The following EPB41L4A variants were observed in gnomAD, a reference collection of about 807,000 sequenced individuals.
The protein encoded by EPB41L4A is erythrocyte membrane protein band 4.1 like 4A, also known as band 4.1-like protein 4A.
Under a neutral mutation model 108.6 loss-of-function variants are expected in EPB41L4A, and 100 were observed. That is an observed-to-expected ratio of 0.92 (90% CI 0.78 to 1.09). The LOEUF (loss-of-function observed/expected upper bound fraction) is 1.09, where lower values mean the gene tolerates loss of function less well. EPB41L4A is among the 50% of genes least tolerant of loss of function. The pLI, the probability that EPB41L4A is intolerant of heterozygous loss-of-function variation, is 0.00. For missense variants in EPB41L4A, 1,030 were observed against 842.7 expected, an observed-to-expected ratio of 1.22 and a Z score of -2.75; for synonymous variants, 319 against 289.0, an observed-to-expected ratio of 1.10 and a Z score of -1.05.
chr5:112,207,358 G>A (rs1762522940), intron 13 of EPB41L4A, among the ~76,000 whole-genome samples: 1 of 152,136 alleles, frequency 6.6e-6, no homozygotes, highest in Admixed American at 6.5e-5. Flanking sequence ...TATCATTCTG[G>A]ACATCAGCCT....
At chr5:112,279,510 A>T (rs2150504063) in intron 3 of EPB41L4A, among the ~76,000 whole-genome samples, 1 of 152,334 alleles carries the variant, frequency 6.6e-6, no homozygotes, top group South Asian at 2.1e-4. Flanking sequence ...ATGGACAGTG[A>T]TGATGGTTGC....
chr5:112,199,168 T>G (rs990575311), intron 15 of EPB41L4A, among the ~76,000 whole-genome samples: 9 of 152,232 alleles, frequency 5.9e-5, no homozygotes, highest in African/African-American at 2.2e-4. Flanking sequence ...GTCCATTTCC[T>G]GCAGTGAGAT....
intron 9 of EPB41L4A, among the ~76,000 whole-genome samples, chr5:112,256,348 T>C (rs1461878061): frequency 6.6e-6 from 1 of 152,186 alleles, no homozygotes; most frequent in Admixed American, 6.6e-5. Flanking sequence ...AGTACTCTTC[T>C]AGAAGTTCGG....
At position 112,391,622 on chromosome 5, in the gene EPB41L4A, G is replaced by A. The variant is rs144388374; in HGVS notation, c.99+27319C>T. On this transcript the variant is annotated intron_variant, in intron 1 of 22. Transcript: ENST00000261486. Reference sequence around the variant, plus strand: ...ACGTCTGATTGGTATACCTGAAAGCGATGGGGAGAATGGAACCAAGGGGGA... The same window carrying A: ...ACGTCTGATTGGTATACCTGAAAGCAATGGGGAGAATGGAACCAAGGGGGA... 7.6e-3 allele frequency among the ~76,000 whole-genome samples: 1,156 copies of A among 152,324 alleles called. 19 individuals carry two copies. The highest frequency in any genetic ancestry group is 0.026 in the African/African-American group (1,080 of 41,560).
At chr5:112,326,400 G>A (rs1756165151) in intron 1 of EPB41L4A, among the ~76,000 whole-genome samples, 1 of 152,092 alleles carries the variant, frequency 6.6e-6, no homozygotes, top group Non-Finnish European at 1.5e-5. Flanking sequence ...GGCCCTCCCA[G>A]TTTCATGGCA....
chr5:112,353,520 G>A (rs1348638827), intron 1 of EPB41L4A, among the ~76,000 whole-genome samples: 1 of 152,146 alleles, frequency 6.6e-6, no homozygotes, highest in African/African-American at 2.4e-5. Context: ...AGCACAGGTA[G>A]GTGGGTAGCG....
chr5:112,259,740 G>A, intron 8 of EPB41L4A, 151 bp downstream of exon 8: 1 of 638,440 alleles, frequency 1.6e-6, no homozygotes, highest in Non-Finnish European at 2.8e-6. Flanking sequence ...ATGCTGAGGT[G>A]CAACAGGAGA....
chr5:112,356,841 G>A (rs1472411321), intron 1 of EPB41L4A, among the ~76,000 whole-genome samples: 1 of 152,220 alleles, frequency 6.6e-6, no homozygotes, highest in Non-Finnish European at 1.5e-5. Context: ...GGATGCAGTG[G>A]TCTGGAACAT....
chr5:112,315,770 A>C (rs1255240010), intron 1 of EPB41L4A, among the ~76,000 whole-genome samples: 1 of 152,106 alleles, frequency 6.6e-6, no homozygotes, highest in East Asian at 1.9e-4. Context: ...ATGCAATAAA[A>C]ATAAAGATTA....
intron 1 of EPB41L4A, among the ~76,000 whole-genome samples, chr5:112,309,226 T>C (rs1363028040): frequency 6.6e-6 from 1 of 152,224 alleles, no homozygotes; most frequent in Non-Finnish European, 1.5e-5. Context: ...ATCTATTAAA[T>C]GAATCCCCAG....
intron 1 of EPB41L4A, among the ~76,000 whole-genome samples, chr5:112,395,488 T>C (rs1242224469): frequency 1.3e-5 from 2 of 152,078 alleles, no homozygotes; most frequent in Admixed American, 6.5e-5. Flanking sequence ...AACAGACACA[T>C]GAAAAAATGC....
At chr5:112,322,556 G>A (rs555411168) in intron 1 of EPB41L4A, among the ~76,000 whole-genome samples, 4 of 152,136 alleles carry the variant, frequency 2.6e-5, no homozygotes, top group Non-Finnish European at 5.9e-5. Flanking sequence ...GTTGATGCTT[G>A]GAAGAACTGT....
chr5:112,380,328 A>G (rs1400324786), intron 1 of EPB41L4A, among the ~76,000 whole-genome samples: 1 of 152,216 alleles, frequency 6.6e-6, no homozygotes, highest in Non-Finnish European at 1.5e-5. Flanking sequence ...TGTTCAATAA[A>G]ACTATTTTAT....
chr5:112,221,560 C>A (rs1210077061), intron 12 of EPB41L4A, among the ~76,000 whole-genome samples: 1 of 152,122 alleles, frequency 6.6e-6, no homozygotes, highest in Non-Finnish European at 1.5e-5. Flanking sequence ...TTATATAAAG[C>A]CTTTAGCACT....
intron 12 of EPB41L4A, among the ~76,000 whole-genome samples, chr5:112,234,142 G>C (rs1046894425): frequency 4.0e-5 from 6 of 150,062 alleles, no homozygotes; most frequent in Non-Finnish European, 7.4e-5. Flanking sequence ...AACATAGTGA[G>C]ACCCTATCTC....
At chr5:112,394,176 C>G (rs575141938) in intron 1 of EPB41L4A, among the ~76,000 whole-genome samples, 15 of 152,168 alleles carry the variant, frequency 9.9e-5, no homozygotes, top group South Asian at 2.1e-4. Context: ...TTGAAAACTG[C>G]CACAAGACAG....
chr5:112,230,493 A>T (rs181376503), intron 12 of EPB41L4A, among the ~76,000 whole-genome samples: 1 of 152,160 alleles, frequency 6.6e-6, no homozygotes, highest in Non-Finnish European at 1.5e-5. Flanking sequence ...GATGTTGAGC[A>T]TGTTTTCACA....
chr5:112,297,991 T>C (rs1754114923), intron 2 of EPB41L4A, among the ~76,000 whole-genome samples: 3 of 152,208 alleles, frequency 2.0e-5, no homozygotes, highest in Admixed American at 1.3e-4. Flanking sequence ...TCTATGTCCC[T>C]ATTTTTATAC....
At chr5:112,419,536 C>G (rs1762961364), upstream of EPB41L4A, 2 of 423,502 alleles carry the variant, frequency 4.7e-6, no homozygotes, top group South Asian at 3.4e-5. Context: ...TGCGGAGTCC[C>G]CCGCGGGCGC....
Sources: allele counts gnomAD v4.1 joint callset (sites outside exome capture counted in the v4.1 genomes callset), GRCh38; gene constraint gnomAD v4.1.1; transcripts MANE v1.5; gene names NCBI Gene and HGNC (gene_info 2026-07-23, HGNC 2026-07-21).